The following CPVL variants were observed in gnomAD, a reference collection of about 807,000 sequenced individuals.
The protein encoded by CPVL is carboxypeptidase vitellogenic like.
Under a neutral mutation model 63.7 loss-of-function variants are expected in CPVL, and 51 were observed. The ratio of observed to expected loss-of-function variants is 0.80; its 90% CI spans 0.64 to 1.01. The LOEUF (loss-of-function observed/expected upper bound fraction) is 1.01, where lower values mean the gene tolerates loss of function less well. CPVL is among the 50% of genes least tolerant of loss of function. The probability of loss-of-function intolerance (pLI) is 0.00; values close to 1 mark genes in which losing one functional copy is unlikely to be tolerated. For missense variants in CPVL, 530 were observed against 573.1 expected (o/e 0.92, Z 0.77); for synonymous variants, 195 against 206.0 (o/e 0.95, Z 0.46).
At chr7:29,008,769 A>G (rs553855125) in intron 12 of CPVL, among the ~76,000 whole-genome samples, 24 of 152,160 alleles carry the variant, frequency 1.6e-4, no homozygotes, top group Non-Finnish European at 2.2e-4. Flanking sequence ...GTATTTGCCA[A>G]TTACTATTAT....
intron 7 of CPVL, among the ~76,000 whole-genome samples, chr7:29,076,688 G>A (rs1784282795): frequency 6.6e-6 from 1 of 152,074 alleles, no homozygotes; most frequent in Non-Finnish European, 1.5e-5. Context: ...ACCATATTTC[G>A]AGCTCACCTC....
At chr7:29,179,466 G>T (rs112157790) in intron 5 of CPVL, among the ~76,000 whole-genome samples, 50 of 152,298 alleles carry the variant, frequency 3.3e-4, no homozygotes, top group African/African-American at 1.2e-3. Flanking sequence ...ACCACTCTCA[G>T]ATGCTAGAAA....
Position 29,030,745 on chromosome 7 carries a change from A to G in CPVL, c.1152T>C (p.Asn384=), listed in dbSNP as rs1388462957. 6.2e-6 allele frequency: 10 copies of G among 1,605,932 alleles called. No homozygotes were observed. In the Admixed American group the frequency reaches 1.7e-4, roughly 28 times the overall value. ...IMNNYKVLIY[N]GQLDIIVAAA... ...CTGCCACGATGATGTCCAGTTGGCC[A>G]TTGTAGATCAGAACCTGAAATGAAA... The change falls in exon 12 of 13, where the codon AAT becomes AAC. Residue 384 remains asparagine, a synonymous_variant. Transcript: ENST00000265394.
chr7:29,068,098 G>A (rs1048856862), intron 9 of CPVL, among the ~76,000 whole-genome samples: 1 of 150,632 alleles, frequency 6.6e-6, no homozygotes, highest in Non-Finnish European at 1.5e-5. Flanking sequence ...TCTGCCTCCC[G>A]GATTCAAGCA....
At chr7:29,186,553 T>G (rs1308109341) in intron 1 of CPVL, 1 of 146,376 alleles carries the variant, frequency 6.8e-6, no homozygotes, top group African/African-American at 2.5e-5. Context: ...GCAGCCTGCG[T>G]GACAGAGATG....
rs542611322 is a variant in CPVL, at chr7:29,039,149, C to A, written c.1138-8390G>T. ...CCAAGAAAAGTCAGTTTCACTTAAA[C>A]CTTTCTAAAATGCTAGTCCTTTTAA... On this transcript the variant is annotated intron_variant, in intron 11 of 12. Transcript: ENST00000265394. Among the ~76,000 whole-genome samples, 15 of 152,286 alleles carry A rather than the reference C, an allele frequency of 9.8e-5. No homozygotes were observed. The South Asian group carries it at 2.9e-3, about 29-fold the overall frequency.
chr7:29,014,831 C>T (rs997559215), intron 12 of CPVL, among the ~76,000 whole-genome samples: 2 of 152,174 alleles, frequency 1.3e-5, no homozygotes, highest in African/African-American at 2.4e-5. Flanking sequence ...CAAGGACCTG[C>T]TGAAGACCCT....
chr7:29,098,385 T>C (rs983902769), intron 3 of CPVL, among the ~76,000 whole-genome samples: 2 of 152,108 alleles, frequency 1.3e-5, no homozygotes, highest in African/African-American at 2.4e-5. Flanking sequence ...TGCTACAAGA[T>C]AGGTGCTGGG....
chr7:29,097,938 A>G (rs1417106473), intron 3 of CPVL, among the ~76,000 whole-genome samples: 1 of 152,110 alleles, frequency 6.6e-6, no homozygotes, highest in East Asian at 1.9e-4. Context: ...GAAAGGGAGG[A>G]AGGCACAGTC....
chr7:29,086,401 T>C (rs909195538), intron 7 of CPVL, 83 bp downstream of exon 7: 6 of 983,864 alleles, frequency 6.1e-6, no homozygotes, highest in Admixed American at 5.5e-5. Flanking sequence ...CATATATAGA[T>C]TTTAAATGAA....
At chr7:29,156,298 A>G (rs1794361978) in intron 5 of CPVL, among the ~76,000 whole-genome samples, 1 of 152,226 alleles carries the variant, frequency 6.6e-6, no homozygotes, top group African/African-American at 2.4e-5. Context: ...TGTTTCAAAA[A>G]TGTCAAAACA....
intron 7 of CPVL, among the ~76,000 whole-genome samples, chr7:29,085,841 A>T (rs1177579752): frequency 3.3e-5 from 5 of 152,236 alleles, no homozygotes; most frequent in Non-Finnish European, 5.9e-5. Context: ...GGAAAAAATC[A>T]GACAAATTCA....
At chr7:29,031,763 G>A (rs1788042563) in intron 11 of CPVL, among the ~76,000 whole-genome samples, 1 of 152,158 alleles carries the variant, frequency 6.6e-6, no homozygotes, top group East Asian at 1.9e-4. Flanking sequence ...ATGCACAACA[G>A]TATAAGAATT....
intron 11 of CPVL, among the ~76,000 whole-genome samples, chr7:29,036,328 G>C (rs1788523156): frequency 6.6e-6 from 1 of 152,212 alleles, no homozygotes; most frequent in Non-Finnish European, 1.5e-5. Flanking sequence ...CACAGTGCCT[G>C]ACACAGAATA....
chr7:29,160,024 G>A (rs1198553428), intron 5 of CPVL, among the ~76,000 whole-genome samples: 1 of 152,192 alleles, frequency 6.6e-6, no homozygotes, highest in Admixed American at 6.5e-5. Context: ...AGCACACAGT[G>A]TTGTGGAGAG....
chr7:29,092,593 G>A (rs751427474), intron 6 of CPVL, 30 bp downstream of exon 6: 1 of 1,522,976 alleles, frequency 6.6e-7, no homozygotes, highest in Non-Finnish European at 9.1e-7. Context: ...TTGGTCTTAG[G>A]AAAGCCAAGA....
chr7:29,140,081 C>T (rs1365080582), intron 1 of CPVL, among the ~76,000 whole-genome samples: 1 of 152,168 alleles, frequency 6.6e-6, no homozygotes, highest in Non-Finnish European at 1.5e-5. Flanking sequence ...CCTAGCCAGG[C>T]CTTTCCCTGC....
At chr7:29,162,280 T>C (rs1023152295) in intron 5 of CPVL, among the ~76,000 whole-genome samples, 8 of 152,156 alleles carry the variant, frequency 5.3e-5, no homozygotes, top group African/African-American at 9.6e-5. Context: ...AGGTGAATAG[T>C]TGAACACACA....
At chr7:29,042,170 G>A (rs1441670903) in intron 11 of CPVL, among the ~76,000 whole-genome samples, 2 of 152,170 alleles carry the variant, frequency 1.3e-5, no homozygotes, top group African/African-American at 4.8e-5. Context: ...TGTCCATGTG[G>A]AGGAGGAGCA....
Sources: allele counts gnomAD v4.1 joint callset (sites outside exome capture counted in the v4.1 genomes callset), GRCh38; gene constraint gnomAD v4.1.1; transcripts MANE v1.5; gene names NCBI Gene and HGNC (gene_info 2026-07-23, HGNC 2026-07-21).